The following GABRA3 variants were observed in gnomAD, a reference collection of about 807,000 sequenced individuals.
The protein encoded by GABRA3 is gamma-aminobutyric acid receptor subunit alpha-3.
Under a neutral mutation model 30.1 loss-of-function variants are expected in GABRA3, and 10 were observed. The ratio of observed to expected loss-of-function variants is 0.33; its 90% CI spans 0.20 to 0.56. The LOEUF is 0.56. Ranked by LOEUF, GABRA3 falls within the 20% of genes least tolerant of loss-of-function variation. The pLI, the probability that GABRA3 is intolerant of heterozygous loss-of-function variation, is 0.89. For missense variants in GABRA3, 233 were observed against 392.0 expected, an observed-to-expected ratio of 0.59 and a Z score of 3.42; for synonymous variants, 151 against 146.8, an observed-to-expected ratio of 1.03 and a Z score of -0.21.
chrX:152,379,486 C>T (rs921994711), intron 1 of GABRA3, among the ~76,000 whole-genome samples: 8 of 110,262 alleles, frequency 7.3e-5, no homozygotes, highest in Non-Finnish European at 1.5e-4. Context: ...GCCTTAAACA[C>T]GTATATTAAA....
chrX:152,414,856 CAAA>C (rs57587537), intron 1 of GABRA3, among the ~76,000 whole-genome samples: 3 of 82,695 alleles, frequency 3.6e-5, no homozygotes, highest in Non-Finnish European at 2.4e-5. Context: ...ATCGAACCAC[CAAA>C]AAAAAAAAAA....
At chrX:152,357,755 G>C (rs1416255138) in intron 2 of GABRA3, among the ~76,000 whole-genome samples, 1 of 111,309 alleles carries the variant, frequency 9.0e-6, no homozygotes, top group Non-Finnish European at 1.9e-5. Context: ...GTAGTTTTAG[G>C]TTTGACATGT....
At chrX:152,388,811 G>A (rs1371799647) in intron 1 of GABRA3, among the ~76,000 whole-genome samples, 3 of 112,196 alleles carry the variant, frequency 2.7e-5, no homozygotes, top group African/African-American at 9.7e-5. Flanking sequence ...CAAGCACACA[G>A]GGTACATGAA....
chrX:152,169,520 C>T (rs969524770), intron 9 of GABRA3, among the ~76,000 whole-genome samples: 7 of 111,814 alleles, frequency 6.3e-5, no homozygotes, highest in African/African-American at 1.3e-4. Context: ...CTGGGCCTCC[C>T]CTGATGCAGA....
At chrX:152,312,389 G>T (rs1939811315) in intron 3 of GABRA3, among the ~76,000 whole-genome samples, 1 of 112,106 alleles carries the variant, frequency 8.9e-6, no homozygotes, top group Non-Finnish European at 1.9e-5. Context: ...ATGGCGAAAA[G>T]TCTCCTTATT....
intron 1 of GABRA3, among the ~76,000 whole-genome samples, chrX:152,386,166 C>G (rs1929302898): frequency 9.3e-6 from 1 of 107,432 alleles, no homozygotes; most frequent in South Asian, 4.2e-4. Flanking sequence ...GGCATTGAAT[C>G]TATAAATTAC....
intron 4 of GABRA3, among the ~76,000 whole-genome samples, chrX:152,258,092 C>G (rs1390868951): frequency 9.0e-6 from 1 of 111,083 alleles, no homozygotes; most frequent in Non-Finnish European, 1.9e-5. Flanking sequence ...TCAACAGATA[C>G]AAGATAAAAC....
intron 1 of GABRA3, among the ~76,000 whole-genome samples, chrX:152,442,188 T>G (rs1403067935): frequency 9.0e-6 from 1 of 110,710 alleles, no homozygotes; most frequent in Non-Finnish European, 1.9e-5. Context: ...TTTGGAGGGA[T>G]GTGGAAAGGA....
chrX:152,183,252 T>C (rs915637583), intron 9 of GABRA3, among the ~76,000 whole-genome samples: 2 of 110,630 alleles, frequency 1.8e-5, no homozygotes, highest in Non-Finnish European at 3.8e-5. Flanking sequence ...TATTGGTCTG[T>C]TCAGATATTC....
intron 3 of GABRA3, among the ~76,000 whole-genome samples, chrX:152,309,330 CAT>C (rs971504426): frequency 2.7e-5 from 3 of 111,115 alleles, no homozygotes; most frequent in African/African-American, 9.8e-5. Context: ...CCCCAAAACA[CAT>C]AGTCATCAGA....
At position 152,178,992 on chromosome X, in the gene GABRA3, C is replaced by A. The variant is rs76850581; in HGVS notation, c.1144-10429G>T. ...GTAACCCTTCCTGAATCCTCTAGTA[C>A]AATTATAGCAAACTTTTTAGTTCTA... is the stretch of plus-strand genomic sequence containing the variant. On this transcript the variant is annotated intron_variant, in intron 9 of 9. Coordinates refer to ENST00000370314, the MANE Select transcript of GABRA3 (RefSeq NM_000808.4). 4.0e-4 allele frequency among the ~76,000 whole-genome samples: 45 copies of A among 111,550 alleles called. No individual in the cohort carries two copies. In the East Asian group the frequency reaches 0.011, roughly 28 times the overall value.
chrX:152,287,255 G>A (rs1399076709), intron 3 of GABRA3, among the ~76,000 whole-genome samples: 1 of 111,674 alleles, frequency 9.0e-6, no homozygotes, highest in African/African-American at 3.3e-5. Flanking sequence ...AAGAGAGATA[G>A]TAGGGAAAAG....
intron 1 of GABRA3, among the ~76,000 whole-genome samples, chrX:152,438,583 T>C (rs1184798149): frequency 1.8e-5 from 2 of 112,424 alleles, no homozygotes; most frequent in African/African-American, 3.2e-5. Flanking sequence ...GGTGAATGGA[T>C]AAACAAACTG....
intron 3 of GABRA3, among the ~76,000 whole-genome samples, chrX:152,289,669 C>A (rs900031113): frequency 9.1e-6 from 1 of 110,306 alleles, no homozygotes; most frequent in Non-Finnish European, 1.9e-5. Flanking sequence ...CTCCCCCTGC[C>A]CCCCACCCCA....
At chrX:152,444,843 C>T (rs1392661036) in intron 1 of GABRA3, among the ~76,000 whole-genome samples, 3 of 90,382 alleles carry the variant, frequency 3.3e-5, no homozygotes, top group Admixed American at 2.6e-4. Flanking sequence ...GGGCGGATCA[C>T]GAGGTCAGGA....
chrX:152,276,745 A>G (rs1287507781), intron 4 of GABRA3, among the ~76,000 whole-genome samples: 1 of 111,689 alleles, frequency 9.0e-6, no homozygotes, highest in Non-Finnish European at 1.9e-5. Flanking sequence ...CGTGGTAAAA[A>G]ATAAGTTGTA....
chrX:152,305,353 C>A (rs1036442968), intron 3 of GABRA3, among the ~76,000 whole-genome samples: 17 of 108,737 alleles, frequency 1.6e-4, no homozygotes, highest in African/African-American at 5.7e-4. Context: ...AACAGAAGCC[C>A]AAACCTCAGC....
chrX:152,409,970 C>G (rs1221533150), intron 1 of GABRA3, among the ~76,000 whole-genome samples: 1 of 112,304 alleles, frequency 8.9e-6, no homozygotes, highest in African/African-American at 3.2e-5. Flanking sequence ...TAAAGTCCAT[C>G]AATGAATAAA....
At chrX:152,204,227 G>C in intron 7 of GABRA3, among the ~76,000 whole-genome samples, 2 of 111,736 alleles carry the variant, frequency 1.8e-5, no homozygotes, top group Non-Finnish European at 3.8e-5. Context: ...ACATTATTTA[G>C]AACTATGGAG....
Sources: allele counts gnomAD v4.1 joint callset (sites outside exome capture counted in the v4.1 genomes callset), GRCh38; gene constraint gnomAD v4.1.1; transcripts MANE v1.5; gene names NCBI Gene and HGNC (gene_info 2026-07-23, HGNC 2026-07-21).